KANSL1: variants seen among roughly 807,000 people sequenced by gnomAD.
KANSL1 encodes KAT8 regulatory NSL complex subunit 1, also known as MLL1/MLL complex subunit KANSL1.
In KANSL1, 22 loss-of-function variants were observed where a neutral mutation model predicts 103.6. The ratio of observed to expected loss-of-function variants is 0.21; its 90% CI spans 0.15 to 0.30. The LOEUF is 0.30. KANSL1 is among the 10% of genes least tolerant of loss of function. The pLI, the probability that KANSL1 is intolerant of heterozygous loss-of-function variation, is 1.00. For synonymous variants in KANSL1, 600 were observed against 527.6 expected (o/e 1.14, Z -1.88); for missense variants, 1,337 against 1,399.8 (o/e 0.96, Z 0.72).
At chr17:46,128,956 G>A (rs1035586261) in intron 2 of KANSL1, among the ~76,000 whole-genome samples, 2 of 152,216 alleles carry the variant, frequency 1.3e-5, no homozygotes, top group African/African-American at 2.4e-5. Flanking sequence ...TGCGAAGGTT[G>A]TCCAGGCAAA....
At chr17:46,211,649 G>A (rs987827692) in intron 1 of KANSL1, among the ~76,000 whole-genome samples, 3 of 152,250 alleles carry the variant, frequency 2.0e-5, no homozygotes, top group African/African-American at 4.8e-5. Flanking sequence ...GGTTTCACTG[G>A]AGATTAAATT....
intron 2 of KANSL1, among the ~76,000 whole-genome samples, chr17:46,127,599 T>C (rs1363443077): frequency 6.6e-6 from 1 of 151,886 alleles, no homozygotes; most frequent in Non-Finnish European, 1.5e-5. Context: ...CATGGTAAAA[T>C]TTTGCCTCTA....
chr17:46,136,888 AAAAAC>A (rs1484865632), intron 2 of KANSL1, among the ~76,000 whole-genome samples: 47 of 152,358 alleles, frequency 3.1e-4, no homozygotes, highest in African/African-American at 9.4e-4. Flanking sequence ...GTATAAATTA[AAAAAC>A]AAAACAAAAT....
chr17:46,045,606 G>A (rs1209585523), intron 7 of KANSL1: 1 of 152,158 alleles, frequency 6.6e-6, no homozygotes, highest in Non-Finnish European at 1.5e-5. Flanking sequence ...CAGAAAAGGG[G>A]GAGTGTTCCC....
intron 7 of KANSL1, chr17:46,049,855 T>C (rs1415841398): frequency 6.6e-6 from 1 of 152,206 alleles, no homozygotes; most frequent in Non-Finnish European, 1.5e-5. Flanking sequence ...AATGCCAGTA[T>C]GAAGATATTC....
At chr17:46,173,024 C>T in intron 1 of KANSL1, among the ~76,000 whole-genome samples, 1 of 152,240 alleles carries the variant, frequency 6.6e-6, no homozygotes, top group Non-Finnish European at 1.5e-5. Flanking sequence ...TCACCCCCTA[C>T]TGCTCTGGCA....
chr17:46,213,771 A>G (rs2048249840), intron 1 of KANSL1, among the ~76,000 whole-genome samples: 1 of 151,934 alleles, frequency 6.6e-6, no homozygotes, highest in Non-Finnish European at 1.5e-5. Flanking sequence ...TATAACAATC[A>G]GCCGGGTGTG....
At chr17:46,096,302 C>CTTTTTTTT (rs1273083741) in intron 2 of KANSL1, among the ~76,000 whole-genome samples, 3 of 82,588 alleles carry the variant, frequency 3.6e-5, no homozygotes, top group African/African-American at 5.4e-5. Flanking sequence ...ACATACCTGG[C>CTTTTTTTT]TTTTTTTTCT....
upstream of KANSL1, among the ~76,000 whole-genome samples, chr17:46,195,854 A>C (rs1490288737): frequency 2.0e-5 from 3 of 152,224 alleles, no homozygotes; most frequent in Non-Finnish European, 2.9e-5. Flanking sequence ...AAGAGAAACA[A>C]ATTTTCTTAA....
At chr17:46,065,028 T>G (rs2078326898) in intron 6 of KANSL1, among the ~76,000 whole-genome samples, 1 of 151,990 alleles carries the variant, frequency 6.6e-6, no homozygotes, top group Non-Finnish European at 1.5e-5. Context: ...CAGGCTGGAG[T>G]GCAGTGGCAC....
intron 10 of KANSL1, 56 bp from the exon 11 acceptor site, chr17:46,034,341 A>G: frequency 6.3e-7 from 1 of 1,592,888 alleles, no homozygotes; most frequent in Non-Finnish European, 8.6e-7. Context: ...ACATCAAATC[A>G]TTCATCTAAG....
At chr17:46,055,334 G>A (rs982532939) in intron 6 of KANSL1, among the ~76,000 whole-genome samples, 3 of 151,560 alleles carry the variant, frequency 2.0e-5, no homozygotes, top group African/African-American at 4.8e-5. Flanking sequence ...GCATGGTGGC[G>A]GGCGCCTGTA....
At chr17:46,140,068 C>T (rs1443162119) in intron 2 of KANSL1, among the ~76,000 whole-genome samples, 1 of 152,118 alleles carries the variant, frequency 6.6e-6, no homozygotes, top group Non-Finnish European at 1.5e-5. Context: ...TTCCTCCATC[C>T]CAACCCATCC....
At chr17:46,146,452 GA>G (rs1180820896) in intron 2 of KANSL1, among the ~76,000 whole-genome samples, 4 of 151,284 alleles carry the variant, frequency 2.6e-5, no homozygotes, top group African/African-American at 7.3e-5. Context: ...ATCCTAAATT[GA>G]AAAAAAAAAT....
chr17:46,217,158 G>C (rs1282096738), intron 1 of KANSL1, among the ~76,000 whole-genome samples: 2 of 149,852 alleles, frequency 1.3e-5, no homozygotes, highest in African/African-American at 2.5e-5. Flanking sequence ...CTAACATTCA[G>C]TACCTCAGAA....
chr17:46,186,551 T>C (rs1427442999), intron 1 of KANSL1, among the ~76,000 whole-genome samples: 11 of 152,190 alleles, frequency 7.2e-5, no homozygotes, highest in African/African-American at 1.7e-4. Flanking sequence ...TCAATACTAA[T>C]ATCCATTTTT....
chr17:46,144,579 G>A (rs1307900358), intron 2 of KANSL1, among the ~76,000 whole-genome samples: 2 of 152,146 alleles, frequency 1.3e-5, no homozygotes, highest in Non-Finnish European at 2.9e-5. Context: ...TGCAGCTGTA[G>A]ACTGCCAGAT....
chr17:46,147,841 G>A (rs953231238), intron 2 of KANSL1, among the ~76,000 whole-genome samples: 7 of 152,196 alleles, frequency 4.6e-5, no homozygotes, highest in Non-Finnish European at 1.0e-4. Context: ...ATCAAAAATA[G>A]AATCACAGGC....
chr17:46,111,945 C>T (rs916076540), intron 2 of KANSL1, among the ~76,000 whole-genome samples: 1 of 152,168 alleles, frequency 6.6e-6, no homozygotes, highest in African/African-American at 2.4e-5. Context: ...TTTCAAGATT[C>T]GATCCCACAG....
Sources: allele counts gnomAD v4.1 joint callset (sites outside exome capture counted in the v4.1 genomes callset), GRCh38; gene constraint gnomAD v4.1.1; transcripts MANE v1.5; gene names NCBI Gene and HGNC (gene_info 2026-07-23, HGNC 2026-07-21).